The following EXOC4 variants were observed in gnomAD, a reference collection of about 807,000 sequenced individuals.
The protein encoded by EXOC4 is SEC8-like 1.
A neutral mutation model predicts 107.2 loss-of-function variants in EXOC4; 71 were observed. The ratio of observed to expected loss-of-function variants is 0.66; its 90% CI spans 0.55 to 0.81. EXOC4 has a LOEUF of 0.81. Ranked by LOEUF, EXOC4 falls within the 30% of genes least tolerant of loss-of-function variation. The probability of loss-of-function intolerance (pLI) is 0.00; values close to 1 mark genes in which losing one functional copy is unlikely to be tolerated. For synonymous variants in EXOC4, 456 were observed against 441.2 expected (o/e 1.03, Z -0.42); for missense variants, 1,108 against 1,189.6 (o/e 0.93, Z 1.01).
intron 9 of EXOC4, among the ~76,000 whole-genome samples, chr7:133,570,526 A>G (rs1444715405): frequency 6.6e-6 from 1 of 152,156 alleles, no homozygotes; most frequent in African/African-American, 2.4e-5. Flanking sequence ...CTGATCTCCA[A>G]CCTCAGAGAT....
At chr7:133,565,075 T>G (rs1800881643) in intron 9 of EXOC4, among the ~76,000 whole-genome samples, 1 of 152,122 alleles carries the variant, frequency 6.6e-6, no homozygotes. Flanking sequence ...GAATCCCAAT[T>G]AGTGACCTTG....
chr7:134,001,119 T>G (rs918593079), intron 15 of EXOC4, among the ~76,000 whole-genome samples: 1 of 152,054 alleles, frequency 6.6e-6, no homozygotes, highest in Non-Finnish European at 1.5e-5. Flanking sequence ...CCCCAAGAGA[T>G]GAAAGACATG....
intron 12 of EXOC4, 105 bp from the exon 13 acceptor site, chr7:133,917,478 A>G (rs1427740989): frequency 1.9e-5 from 21 of 1,098,564 alleles, no homozygotes; most frequent in Non-Finnish European, 2.5e-5. Context: ...TGTTCAAAGG[A>G]GAGATGAGTG....
At chr7:133,803,070 C>T (rs1024011465) in intron 10 of EXOC4, among the ~76,000 whole-genome samples, 1 of 152,056 alleles carries the variant, frequency 6.6e-6, no homozygotes, top group Non-Finnish European at 1.5e-5. Context: ...GTTATCATGC[C>T]TGTTGCCATA....
intron 12 of EXOC4, among the ~76,000 whole-genome samples, chr7:133,906,651 T>G (rs1044602645): frequency 1.3e-5 from 2 of 152,204 alleles, no homozygotes; most frequent in Non-Finnish European, 2.9e-5. Context: ...TTCTGCTCTG[T>G]GTTTACTACG....
intron 10 of EXOC4, among the ~76,000 whole-genome samples, chr7:133,642,493 C>T (rs1409675625): frequency 6.6e-6 from 1 of 152,170 alleles, no homozygotes; most frequent in East Asian, 1.9e-4. Context: ...GATCCTTGTC[C>T]CTCTTACCCC....
At chr7:133,708,272 CATA>C (rs1476063898) in intron 10 of EXOC4, among the ~76,000 whole-genome samples, 1 of 152,212 alleles carries the variant, frequency 6.6e-6, no homozygotes, top group African/African-American at 2.4e-5. Context: ...CATTTATTAT[CATA>C]ATCTCTTGTT....
chr7:133,859,030 C>G (rs1031440386), intron 11 of EXOC4, among the ~76,000 whole-genome samples: 1 of 152,148 alleles, frequency 6.6e-6, no homozygotes, highest in Admixed American at 6.6e-5. Flanking sequence ...TGCAGAACCC[C>G]ACCCAGTGGC....
At chr7:133,817,756 G>A (rs947030762) in intron 11 of EXOC4, among the ~76,000 whole-genome samples, 4 of 151,466 alleles carry the variant, frequency 2.6e-5, no homozygotes, top group African/African-American at 7.3e-5. Flanking sequence ...AAAAAAAAAC[G>A]GTTAGCTTTG....
At position 133,476,631 on chromosome 7, in the gene EXOC4, C is replaced by G. The variant is rs183882290; in HGVS notation, c.1328+1158C>G. Among the ~76,000 whole-genome samples, 169 of 152,232 alleles carry G rather than the reference C, an allele frequency of 1.1e-3. 1 individual carries two copies. The highest frequency in any genetic ancestry group is 3.9e-3 in the African/African-American group (160 of 41,534). On this transcript the variant is annotated intron_variant, in intron 8 of 17. Transcript: ENST00000253861. ...CAGAGAGGAGATTTATTTAGTATATCCCTGCCAGAAATGAAATCTATTCTG... is the reference window on the plus strand; with the variant it reads ...CAGAGAGGAGATTTATTTAGTATATGCCTGCCAGAAATGAAATCTATTCTG...
At chr7:133,399,989 G>C (rs1797053518) in intron 7 of EXOC4, among the ~76,000 whole-genome samples, 1 of 152,190 alleles carries the variant, frequency 6.6e-6, no homozygotes, top group Non-Finnish European at 1.5e-5. Context: ...GACTCATAGT[G>C]AACTAAACAC....
rs1796401327 is a variant in EXOC4 at position 133,778,836 on chromosome 7, C to T, written c.1515-38489C>T. ...CTTTTAATTTAGTTCTACTAAAATGCTAACATTGTTTTCCTTCTGATTTAG... is the reference window on the plus strand; with the variant it reads ...CTTTTAATTTAGTTCTACTAAAATGTTAACATTGTTTTCCTTCTGATTTAG... On this transcript the variant is annotated intron_variant, in intron 10 of 17. Transcript: ENST00000253861. Among the ~76,000 whole-genome samples, 4 of 152,152 alleles carry T rather than the reference C, an allele frequency of 2.6e-5. No individual in the cohort carries two copies. In the South Asian group the frequency reaches 8.3e-4, roughly 31 times the overall value.
intron 9 of EXOC4, among the ~76,000 whole-genome samples, chr7:133,507,123 A>T (rs1178795253): frequency 6.6e-6 from 1 of 152,162 alleles, no homozygotes; most frequent in Non-Finnish European, 1.5e-5. Flanking sequence ...ACCATAAAGT[A>T]AGTAGATATT....
intron 7 of EXOC4, among the ~76,000 whole-genome samples, chr7:133,465,812 T>C (rs1798713750): frequency 6.6e-6 from 1 of 152,052 alleles, no homozygotes; most frequent in South Asian, 2.1e-4. Context: ...ACCTAAATAA[T>C]CATATGTTTT....
At chr7:133,961,916 A>G (rs1441637617) in intron 14 of EXOC4, among the ~76,000 whole-genome samples, 11 of 152,166 alleles carry the variant, frequency 7.2e-5, no homozygotes, top group Admixed American at 3.9e-4. Context: ...GTGGTACCTC[A>G]TCTAGTCCTT....
intron 10 of EXOC4, among the ~76,000 whole-genome samples, chr7:133,644,250 A>G (rs1401563053): frequency 1.3e-5 from 2 of 152,230 alleles, no homozygotes; most frequent in Non-Finnish European, 2.9e-5. Context: ...AGAGCTCTAC[A>G]GAAGTCAGAC....
chr7:133,743,092 C>T (rs1048706649), intron 10 of EXOC4, among the ~76,000 whole-genome samples: 2 of 152,188 alleles, frequency 1.3e-5, no homozygotes, highest in Non-Finnish European at 2.9e-5. Context: ...TTATATTTTA[C>T]TTCCCAGCGG....
intron 3 of EXOC4, chr7:133,290,794 G>A (rs1440452098): frequency 6.6e-6 from 1 of 152,086 alleles, no homozygotes; most frequent in Non-Finnish European, 1.5e-5. Context: ...TTGGTTGTAA[G>A]TTACAGAAAT....
intron 10 of EXOC4, among the ~76,000 whole-genome samples, chr7:133,640,373 T>G (rs2151024071): frequency 6.6e-6 from 1 of 152,332 alleles, no homozygotes; most frequent in South Asian, 2.1e-4. Flanking sequence ...AATGATTTCT[T>G]TATGTTAGTC....
Sources: gnomAD v4.1 joint callset for allele counts (sites outside exome capture counted in the v4.1 genomes callset) on GRCh38, gnomAD v4.1.1 for gene constraint, MANE v1.5 for transcripts, NCBI Gene and HGNC (gene_info 2026-07-23, HGNC 2026-07-21) for gene names.